The following TAC4 variants were observed in gnomAD, a reference collection of about 807,000 sequenced individuals.
TAC4 encodes the protein tachykinin-4.
In TAC4, 17 loss-of-function variants were observed where a neutral mutation model predicts 17.7. That is an observed-to-expected ratio of 0.96 (90% CI 0.66 to 1.44). TAC4 has a LOEUF of 1.44. TAC4 is among the 40% of genes most tolerant of loss of function. The pLI is 0.00. For synonymous variants in TAC4, 62 were observed against 52.4 expected (o/e 1.18, Z -0.79); for missense variants, 118 against 125.6 (o/e 0.94, Z 0.29).
chr17:49,847,049 T>C (rs1192046928), intron 1 of TAC4: 1 of 1,290,156 alleles, frequency 7.8e-7, no homozygotes, highest in East Asian at 5.5e-5. Flanking sequence ...AAACCCACCA[T>C]GCAGGACTGT....
chr17:49,847,326 A>C, intron 1 of TAC4: 1 of 1,185,360 alleles, frequency 8.4e-7, no homozygotes, highest in Non-Finnish European at 1.1e-6. Flanking sequence ...CCCCAATCAG[A>C]TTGTCAGGCA....
intron 1 of TAC4, 66 bp downstream of exon 1, chr17:49,847,847 C>T (rs1781649265): frequency 1.9e-6 from 3 of 1,611,524 alleles, no homozygotes; most frequent in Non-Finnish European, 2.5e-6. Context: ...TCTGCCTCTG[C>T]ACTGCCGATT....
At chr17:49,846,161 C>A in intron 1 of TAC4, 1 of 1,266,854 alleles carries the variant, frequency 7.9e-7, no homozygotes, top group Non-Finnish European at 1.0e-6. Flanking sequence ...TGCCCCCAGC[C>A]GGAGCCCTCC....
At chr17:49,846,198 T>C in intron 1 of TAC4, 1 of 1,288,622 alleles carries the variant, frequency 7.8e-7, no homozygotes, top group East Asian at 5.6e-5. Flanking sequence ...AATCCCCAAC[T>C]CCAGGGATGA....
chr17:49,846,390 C>T (rs867171967), intron 1 of TAC4: 56 of 461,762 alleles, frequency 1.2e-4, no homozygotes, highest in Middle Eastern at 8.1e-4. Flanking sequence ...GATCCTCCCG[C>T]CTCAGCCTTT....
intron 4 of TAC4, among the ~76,000 whole-genome samples, chr17:49,839,147 C>G (rs1012989678): frequency 6.6e-6 from 1 of 152,116 alleles, no homozygotes; most frequent in Non-Finnish European, 1.5e-5. Context: ...ATGAGTCGAG[C>G]AGGTGTTCTT....
chr17:49,841,746 G>T (rs1313799044), intron 2 of TAC4, among the ~76,000 whole-genome samples, 162 bp from the exon 3 acceptor site: 2 of 151,986 alleles, frequency 1.3e-5, no homozygotes, highest in Non-Finnish European at 2.9e-5. Context: ...GAATGTGCTG[G>T]TAGGGGGCAG....
At position 49,844,131 on chromosome 17, in the gene TAC4, G is replaced by A. The variant is rs1430093613; in HGVS notation, c.132C>T (p.Leu44=). ...TGCCCGTCTTCACCTCCTGCAGCTG[G>A]AGCTGAATGCTGGGGCCAGCGCCTT... is the stretch of plus-strand genomic sequence containing the variant. ...TWEGAGPSIQ[L]QLQEVKTGKA... Residue 44 remains leucine, a synonymous_variant, in exon 2 of 5, where the codon CTC becomes CTT. Coordinates refer to ENST00000436235, the MANE Select transcript of TAC4 (RefSeq NM_001077506.2). 1 of 1,613,928 alleles carries A rather than the reference G, an allele frequency of 6.2e-7. No homozygotes were observed. The highest frequency in any genetic ancestry group is 2.2e-5 in the East Asian group (1 of 44,876).
At chr17:49,847,221 G>A (rs2074549227) in intron 1 of TAC4, 1 of 1,290,046 alleles carries the variant, frequency 7.8e-7, no homozygotes. Context: ...AGCCTTCCCT[G>A]AGCACTGGCC....
chr17:49,844,977 A>G (rs1439709774), intron 1 of TAC4, among the ~76,000 whole-genome samples: 2 of 152,254 alleles, frequency 1.3e-5, no homozygotes, highest in Non-Finnish European at 2.9e-5. Flanking sequence ...CCAAGGTCAC[A>G]CGGGAAGAGG....
At chr17:49,847,765 C>T (rs2074556115) in intron 1 of TAC4, 148 bp downstream of exon 1, 1 of 1,380,052 alleles carries the variant, frequency 7.2e-7, no homozygotes, top group Non-Finnish European at 1.0e-6. Flanking sequence ...AGCCTTGAAT[C>T]TACCCATGGT....
chr17:49,847,898 C>G lies in TAC4; in HGVS notation c.105+15G>C. 6.2e-7 allele frequency: 1 copy of G among 1,613,868 alleles called. No individual in the cohort carries two copies. On this transcript the variant is annotated intron_variant, in intron 1 of 4. Transcript: ENST00000436235. ...CAGAGCCTCTCCCCAAAAGTACCTC[C>G]AAGGCCACAATTACCCAGGTCTCTG...
chr17:49,838,621 G>A lies in TAC4; in HGVS notation c.*21C>T, dbSNP rs763001848. ...GGAAGAAGCGGCACCGTGTCCTCTG[G>A]GAAGTCTGTGGTGGGGGCTTTTACT... On this transcript the variant is annotated 3_prime_UTR_variant, in exon 5 of 5. Coordinates refer to ENST00000436235, the MANE Select transcript of TAC4 (RefSeq NM_001077506.2). 1.8e-5 allele frequency: 29 copies of A among 1,613,610 alleles called. No homozygotes were observed. The highest frequency in any genetic ancestry group is 2.3e-5 in the Non-Finnish European group (27 of 1,179,802).
intron 1 of TAC4, chr17:49,847,670 TACACACACACACACACACACAGAC>T (rs1434296599): frequency 2.3e-4 from 99 of 426,218 alleles, no homozygotes; most frequent in East Asian, 2.1e-3. Context: ...AAGTATTTCT[TACACACACACACACACACACAGAC>T]ACACACACAC....
chr17:49,847,219 C>T, intron 1 of TAC4: 1 of 1,290,204 alleles, frequency 7.8e-7, no homozygotes, highest in South Asian at 1.2e-5. Flanking sequence ...GAAGCCTTCC[C>T]TGAGCACTGG....
rs1254043468 is a variant in TAC4, at chr17:49,847,919, C to A, written c.99G>T (p.Glu33Asp). ...CCTCCAAGGCCACAATTACCCAGGT[C>A]TCTGCTTCAGTGCTGAGTGTCTGTT... ...GEEQTLSTEA[E>D]TWEGAGPSIQ... Residue 33 changes from glutamate to aspartate, a missense_variant, in exon 1 of 5, where the codon GAG (glutamate) becomes GAT (aspartate). Glu to Asp is a conservative substitution (Grantham distance 45, BLOSUM62 2). Transcript: ENST00000436235. The A allele has an allele frequency of 1.2e-6, 2 of 1,614,194 alleles. No individual in the cohort carries two copies. Among genetic ancestry groups the A allele is most frequent in the Admixed American group, 3.3e-5 (2 of 60,028 alleles).
intron 2 of TAC4, among the ~76,000 whole-genome samples, chr17:49,843,469 C>T (rs2074513180): frequency 6.6e-6 from 1 of 152,238 alleles, no homozygotes; most frequent in Non-Finnish European, 1.5e-5. Context: ...ATGGAAGGCA[C>T]CACTCAGGGT....
Position 49,838,448 on chromosome 17 carries a change from A to C in TAC4, c.*194T>G. On this transcript the variant is annotated 3_prime_UTR_variant, in exon 5 of 5. Transcript: ENST00000436235. ...GCAGCTTGCTACGGCGAAGCTGTGC[A>C]TTTATGCAGGACTGCTGCTTGACAC... 1 of 689,302 alleles carries C rather than the reference A, an allele frequency of 1.5e-6. No homozygotes were observed. Among genetic ancestry groups the C allele is most frequent in the Non-Finnish European group, 2.6e-6 (1 of 390,324 alleles). The allele number at this position is 689,302 out of a possible 1,614,324, so 42.7% of individuals were successfully genotyped here.
chr17:49,838,353 G>A lies in TAC4; in HGVS notation c.*289C>T. ...TACTGTGTGCTAGGCACAGGATACAGAGTGTGCGAGTCTCCTCACTGCTGT... is the reference window on the plus strand; with the variant it reads ...TACTGTGTGCTAGGCACAGGATACAAAGTGTGCGAGTCTCCTCACTGCTGT... On this transcript the variant is annotated 3_prime_UTR_variant, in exon 5 of 5. Coordinates refer to ENST00000436235, the MANE Select transcript of TAC4 (RefSeq NM_001077506.2). 1 of 518,576 alleles carries A rather than the reference G, an allele frequency of 1.9e-6. No homozygotes were observed. The highest frequency in any genetic ancestry group is 2.4e-5 in the South Asian group (1 of 41,554). The allele number at this position is 518,576 out of a possible 1,614,324, so 32.1% of individuals were successfully genotyped here.
Sources: allele counts gnomAD v4.1 joint callset (sites outside exome capture counted in the v4.1 genomes callset), GRCh38; gene constraint gnomAD v4.1.1; transcripts MANE v1.5; gene names NCBI Gene and HGNC (gene_info 2026-07-23, HGNC 2026-07-21).